The following CFAP97 variants were observed in gnomAD, a reference collection of about 807,000 sequenced individuals.
CFAP97 encodes cilia- and flagella-associated protein 97.
CFAP97 carries 36 observed loss-of-function variants against 43.1 expected under a neutral mutation model. The observed-to-expected ratio is 0.84, with a 90% CI of 0.64 to 1.10. The LOEUF (loss-of-function observed/expected upper bound fraction) is 1.10. Among genes scored for constraint, CFAP97 ranks in the 50% least tolerant of loss-of-function variants. The pLI, the probability that CFAP97 is intolerant of heterozygous loss-of-function variation, is 0.00. For missense variants in CFAP97, 657 were observed against 620.3 expected (o/e 1.06, Z -0.63); for synonymous variants, 228 against 225.7 (o/e 1.01, Z -0.09).
Position 185,159,906 on chromosome 4 carries a change from T to G in CFAP97, c.*2892A>C, listed in dbSNP as rs1734818089. On this transcript the variant is annotated 3_prime_UTR_variant, in exon 5 of 5. Coordinates refer to ENST00000458385, the MANE Select transcript of CFAP97 (RefSeq NM_020827.3). ...GTAAACTTTTTATGAATGTAATTAT[T>G]AAAGTATAATCAACTCACATCTTTG... is the stretch of plus-strand genomic sequence containing the variant. The G allele has an allele frequency of 6.6e-6, 1 of 152,228 alleles. No individual in the cohort carries two copies. Among genetic ancestry groups the G allele is most frequent in the South Asian group, 2.1e-4 (1 of 4,836 alleles). The allele number at this position is 152,228 out of a possible 1,614,324, so 9.4% of individuals were successfully genotyped here. A position where few individuals can be genotyped will look rare whatever the true frequency, so the allele number is the denominator to read the frequency against.
intron 2 of CFAP97, among the ~76,000 whole-genome samples, chr4:185,183,058 C>T (rs1336344859): frequency 1.3e-5 from 2 of 151,852 alleles, no homozygotes; most frequent in African/African-American, 4.8e-5. Flanking sequence ...TGAGATTGCG[C>T]CACTGCATTC....
upstream of CFAP97, among the ~76,000 whole-genome samples, chr4:185,206,095 G>A (rs1387012079): frequency 4.6e-5 from 7 of 152,194 alleles, no homozygotes; most frequent in Non-Finnish European, 8.8e-5. Context: ...GTGGAAAATA[G>A]TATGGCATGT....
chr4:185,199,401 C>T (rs1235515718), intron 1 of CFAP97, among the ~76,000 whole-genome samples: 1 of 151,694 alleles, frequency 6.6e-6, no homozygotes, highest in East Asian at 1.9e-4. Flanking sequence ...GGGTGCGGTG[C>T]CTCCCACCTA....
At chr4:185,178,939 G>A (rs1034967040) in intron 2 of CFAP97, among the ~76,000 whole-genome samples, 1 of 152,124 alleles carries the variant, frequency 6.6e-6, no homozygotes, top group Non-Finnish European at 1.5e-5. Flanking sequence ...CAAGCAGAAC[G>A]CTCAGAGCAC....
upstream of CFAP97, among the ~76,000 whole-genome samples, chr4:185,208,764 C>T (rs1471486175): frequency 6.6e-6 from 1 of 152,006 alleles, no homozygotes; most frequent in Non-Finnish European, 1.5e-5. Context: ...AATGAAATGC[C>T]CATGAATACC....
chr4:185,191,180 T>A lies in CFAP97; in HGVS notation c.17A>T (p.Asp6Val). The A allele has an allele frequency of 6.4e-7, 1 of 1,556,024 alleles. No individual in the cohort carries two copies. Residue 6 changes from aspartate (D) to valine (V), a missense_variant, in exon 2 of 5, where the codon GAT becomes GTT. By Grantham distance (152) the Asp-to-Val change is radical (BLOSUM62 -3). Coordinates refer to ENST00000458385, the MANE Select transcript of CFAP97 (RefSeq NM_020827.3). The stretch of plus-strand genomic sequence containing the variant: ...ATGGTCCACTTCACCTTCTAATATA[T>A]CTCCAAACTGATCCATGATGGCAAA... MDQFG[D>V]ILEGEVDHSF...
intron 4 of CFAP97, among the ~76,000 whole-genome samples, chr4:185,163,226 T>C (rs1288284331): frequency 6.6e-6 from 1 of 152,096 alleles, no homozygotes. Flanking sequence ...AACAAATAAC[T>C]TACTACATTT....
chr4:185,208,655 G>A (rs1238173349), upstream of CFAP97, among the ~76,000 whole-genome samples: 3 of 151,968 alleles, frequency 2.0e-5, no homozygotes, highest in African/African-American at 4.8e-5. Flanking sequence ...TTGAACCCAG[G>A]AAGCAGAGAT....
At chr4:185,190,036 C>T in intron 2 of CFAP97, 107 bp downstream of exon 2, 2 of 797,506 alleles carry the variant, frequency 2.5e-6, no homozygotes, top group East Asian at 2.9e-5. Context: ...TCAATCATTC[C>T]CAACAATAAA....
At chr4:185,202,232 C>G (rs187087842) in intron 1 of CFAP97, among the ~76,000 whole-genome samples, 367 of 152,202 alleles carry the variant, frequency 2.4e-3, no homozygotes, top group African/African-American at 8.5e-3. Context: ...GTAGAAAAAT[C>G]GCCTTGTATG....
At chr4:185,172,174 CTA>C (rs1735331058) in intron 3 of CFAP97, among the ~76,000 whole-genome samples, 1 of 152,136 alleles carries the variant, frequency 6.6e-6, no homozygotes, top group Non-Finnish European at 1.5e-5. Context: ...TAAAAACACT[CTA>C]TTGGATAAAA....
At chr4:185,194,295 C>A (rs932382796) in intron 1 of CFAP97, among the ~76,000 whole-genome samples, 5 of 152,160 alleles carry the variant, frequency 3.3e-5, no homozygotes, top group Non-Finnish European at 7.4e-5. Flanking sequence ...TCGAGACCAG[C>A]CCGGTCCACA....
At chr4:185,206,040 A>G (rs940832032), upstream of CFAP97, among the ~76,000 whole-genome samples, 1 of 152,240 alleles carries the variant, frequency 6.6e-6, no homozygotes, top group Non-Finnish European at 1.5e-5. Flanking sequence ...GGAAAGATCG[A>G]AACCCTTATG....
At chr4:185,188,850 G>C (rs114886642) in intron 2 of CFAP97, among the ~76,000 whole-genome samples, 430 of 152,200 alleles carry the variant, frequency 2.8e-3, no homozygotes, top group Non-Finnish European at 4.3e-3. Context: ...TAGCCAATAA[G>C]AGTGTGATTT....
chr4:185,202,629 G>A (rs562083100), intron 1 of CFAP97, among the ~76,000 whole-genome samples: 5 of 151,930 alleles, frequency 3.3e-5, no homozygotes, highest in Admixed American at 2.6e-4. Flanking sequence ...CCACCCCTCC[G>A]GAAGCACAAA....
upstream of CFAP97, among the ~76,000 whole-genome samples, chr4:185,207,491 T>C (rs765662959): frequency 4.6e-5 from 7 of 152,156 alleles, no homozygotes; most frequent in East Asian, 1.3e-3. Flanking sequence ...GTGCTGGGAT[T>C]ACAAGCTTGA....
intron 1 of CFAP97, among the ~76,000 whole-genome samples, chr4:185,196,869 G>A (rs532726156): frequency 4.6e-5 from 7 of 152,258 alleles, no homozygotes; most frequent in Admixed American, 3.3e-4. Context: ...GGAAGCTGAG[G>A]TGAATGGATT....
intron 2 of CFAP97, among the ~76,000 whole-genome samples, chr4:185,186,579 GATT>G (rs1458907077): frequency 6.6e-6 from 1 of 152,058 alleles, no homozygotes. Flanking sequence ...ATGATATATA[GATT>G]ATAATAGATT....
chr4:185,190,631 A>T lies in CFAP97; in HGVS notation c.566T>A (p.Leu189Ter), dbSNP rs1195653338. The change falls in exon 2 of 5, where the codon TTA becomes TAA. Residue 189 changes from leucine to a stop codon, truncating the protein, a stop_gained. Transcript: ENST00000458385. LOFTEE classifies it high-confidence loss of function. ...SSSSGSGTDC[L>*]DAGSDSHLSD... ...TAGATGGCTATCAGACCCTGCATCTAAACAATCTGTACCTGAACCTGAAGA... is the reference window on the plus strand; with the variant it reads ...TAGATGGCTATCAGACCCTGCATCTTAACAATCTGTACCTGAACCTGAAGA... 1 of 1,596,064 alleles carries T rather than the reference A, an allele frequency of 6.3e-7. No individual in the cohort carries two copies. Among genetic ancestry groups the T allele is most frequent in the Non-Finnish European group, 8.5e-7 (1 of 1,170,494 alleles).
Sources: allele counts gnomAD v4.1 joint callset (sites outside exome capture counted in the v4.1 genomes callset), GRCh38; gene constraint gnomAD v4.1.1; transcripts MANE v1.5; gene names NCBI Gene and HGNC (gene_info 2026-07-23, HGNC 2026-07-21).